The following PPARGC1A variants were observed in gnomAD, a reference collection of about 807,000 sequenced individuals.
PPARGC1A encodes PPARG coactivator 1 alpha, also known as peroxisome proliferator-activated receptor gamma coactivator 1-alpha.
Under a neutral mutation model 88.7 loss-of-function variants are expected in PPARGC1A, and 25 were observed. The ratio of observed to expected loss-of-function variants is 0.28; its 90% CI spans 0.21 to 0.39. The LOEUF (loss-of-function observed/expected upper bound fraction) is 0.39. PPARGC1A is among the 10% of genes least tolerant of loss of function. PPARGC1A has a pLI of 1.00. For missense variants in PPARGC1A, 880 were observed against 968.7 expected (o/e 0.91, Z 1.22); for synonymous variants, 363 against 355.6 (o/e 1.02, Z -0.24).
chr4:24,300,323 CATTTTTTTTT>C, the PPARGC1A span, among the ~76,000 whole-genome samples: 1 of 40,860 alleles, frequency 2.4e-5, no homozygotes, highest in East Asian at 7.6e-4. Flanking sequence ...TATACAATAG[CATTTTTTTTT>C]TTTTTTTTTT....
At chr4:24,401,816 G>T in the PPARGC1A span, among the ~76,000 whole-genome samples, 1 of 152,188 alleles carries the variant, frequency 6.6e-6, no homozygotes. Flanking sequence ...AGGTGAGTGG[G>T]TTGGTACATG....
the PPARGC1A span, among the ~76,000 whole-genome samples, chr4:24,430,308 G>T: frequency 6.9e-6 from 1 of 145,680 alleles, no homozygotes; most frequent in South Asian, 2.2e-4. Context: ...TCCCAGGCTG[G>T]AGTGCAGTGG....
the PPARGC1A span, among the ~76,000 whole-genome samples, chr4:24,005,755 C>T: frequency 8.7e-4 from 132 of 151,884 alleles, 1 homozygote; most frequent in Non-Finnish European, 7.5e-4. Context: ...GCATAGTGAC[C>T]GGCTCTGAAC....
chr4:24,080,102 G>C, the PPARGC1A span, among the ~76,000 whole-genome samples: 2 of 151,926 alleles, frequency 1.3e-5, no homozygotes, highest in Non-Finnish European at 2.9e-5. Flanking sequence ...ACATGATTTC[G>C]ATTAGAATTG....
chr4:24,344,041 T>A, the PPARGC1A span, among the ~76,000 whole-genome samples: 1 of 152,150 alleles, frequency 6.6e-6, no homozygotes, highest in Non-Finnish European at 1.5e-5. Context: ...TAGTCTCCAA[T>A]CTCATCCAGG....
chr4:24,423,627 C>T, the PPARGC1A span, among the ~76,000 whole-genome samples: 1,045 of 152,214 alleles, frequency 6.9e-3, 7 homozygotes, highest in Non-Finnish European at 0.011. Context: ...GAGTTTTTGT[C>T]ATTGGTTGAG....
chr4:24,262,054 G>A, the PPARGC1A span, among the ~76,000 whole-genome samples: 1 of 152,058 alleles, frequency 6.6e-6, no homozygotes, highest in Non-Finnish European at 1.5e-5. Flanking sequence ...TATTCCCAGC[G>A]GCAGTCTCAA....
chr4:23,935,166 A>G, the PPARGC1A span, among the ~76,000 whole-genome samples: 2 of 152,200 alleles, frequency 1.3e-5, no homozygotes, highest in East Asian at 3.9e-4. Flanking sequence ...CAATGCTCGC[A>G]TGCCTGGGAG....
chr4:23,925,744 C>T, the PPARGC1A span, among the ~76,000 whole-genome samples: 1 of 152,024 alleles, frequency 6.6e-6, no homozygotes, highest in Non-Finnish European at 1.5e-5. Context: ...TTTTTCATGT[C>T]CAACTGTATA....
the PPARGC1A span, among the ~76,000 whole-genome samples, chr4:24,370,287 T>A: frequency 6.6e-6 from 1 of 152,306 alleles, no homozygotes; most frequent in Admixed American, 6.5e-5. Flanking sequence ...CTACTAGTAT[T>A]TATTTTAAAT....
chr4:24,009,152 G>GAC, the PPARGC1A span, among the ~76,000 whole-genome samples: 1 of 16,882 alleles, frequency 5.9e-5, no homozygotes, highest in African/African-American at 2.7e-4. Context: ...AAAAAAAAAA[G>GAC]AGAGAGAAGG....
chr4:24,425,577 A>G, the PPARGC1A span, among the ~76,000 whole-genome samples: 1 of 152,232 alleles, frequency 6.6e-6, no homozygotes, highest in Admixed American at 6.5e-5. Context: ...AAGTCCAGAT[A>G]GTGATGAAAA....
At chr4:24,155,122 GT>G in the PPARGC1A span, among the ~76,000 whole-genome samples, 18,856 of 140,804 alleles carry the variant, frequency 0.13, 1,525 homozygotes, top group African/African-American at 0.25. Context: ...CCTCGGTTTT[GT>G]TTTTTTTTTT....
chr4:24,327,448 T>C, the PPARGC1A span, among the ~76,000 whole-genome samples: 27 of 152,356 alleles, frequency 1.8e-4, no homozygotes, highest in African/African-American at 5.5e-4. Flanking sequence ...GGCAGGACTA[T>C]GCTGAATCTC....
At chr4:24,160,395 A>G in the PPARGC1A span, among the ~76,000 whole-genome samples, 2 of 152,204 alleles carry the variant, frequency 1.3e-5, no homozygotes, top group African/African-American at 4.8e-5. Context: ...AAGTAAAAGT[A>G]TTAGCATCGT....
At chr4:24,387,934 G>GAAAGAAAGAAAGAAAGAAAGAAAGAGAA in the PPARGC1A span, among the ~76,000 whole-genome samples, 1 of 71,458 alleles carries the variant, frequency 1.4e-5, no homozygotes, top group Non-Finnish European at 2.6e-5. Context: ...AAGAAAGAAA[G>GAAAGAAAGAAAGAAAGAAAGAAAGAGAA]AGAAAGAAAG....
chr4:24,101,265 C>G, the PPARGC1A span, among the ~76,000 whole-genome samples: 84 of 152,292 alleles, frequency 5.5e-4, 1 homozygote, highest in Admixed American at 4.9e-3. Flanking sequence ...GCTCCAGCCA[C>G]ATGAAAAAGG....
the PPARGC1A span, among the ~76,000 whole-genome samples, chr4:24,283,744 G>C: frequency 1.3e-5 from 2 of 152,162 alleles, no homozygotes; most frequent in African/African-American, 4.8e-5. Context: ...TTCACCCACT[G>C]ACTGGCTGTG....
chr4:23,862,853 T>G (rs1219482619), intron 2 of PPARGC1A, among the ~76,000 whole-genome samples: 1 of 152,198 alleles, frequency 6.6e-6, no homozygotes, highest in Admixed American at 6.5e-5. Context: ...ACAATGTTCT[T>G]GAAGACACCC....
Sources: allele counts gnomAD v4.1 joint callset (sites outside exome capture counted in the v4.1 genomes callset), GRCh38; gene constraint gnomAD v4.1.1; transcripts MANE v1.5; gene names NCBI Gene and HGNC (gene_info 2026-07-23, HGNC 2026-07-21).